Variants in TSPAN4 observed in about 807,000 individuals in gnomAD.
TSPAN4 encodes the protein tetraspanin-4.
TSPAN4 carries 38 observed loss-of-function variants against 31.5 expected under a neutral mutation model. That is an observed-to-expected ratio of 1.21 (90% CI 0.93 to 1.58). The LOEUF (loss-of-function observed/expected upper bound fraction) is 1.58, where lower values mean the gene tolerates loss of function less well. Ranked by LOEUF, TSPAN4 falls within the 40% of genes most tolerant of loss-of-function variation. The pLI is 0.00. For synonymous variants in TSPAN4, 186 were observed against 144.6 expected (o/e 1.29, Z -2.06); for missense variants, 330 against 317.3 (o/e 1.04, Z -0.30).
intron 5 of TSPAN4, 173 bp from the exon 6 acceptor site, chr11:865,340 A>T: frequency 3.3e-6 from 2 of 604,192 alleles, no homozygotes; most frequent in Non-Finnish European, 6.0e-6. Context: ...CCTGGGCCTC[A>T]GGGCTGCTGG....
intron 1 of TSPAN4, among the ~76,000 whole-genome samples, chr11:844,875 CCCATGATT>C (rs1847218723): frequency 6.6e-6 from 1 of 152,132 alleles, no homozygotes; most frequent in Non-Finnish European, 1.5e-5. Flanking sequence ...CCAGGGGAAA[CCCATGATT>C]GAAGTTTTAG....
In TSPAN4 at chr11:848,765, CCAACACCG is replaced by C; in HGVS notation, c.-18+1468_-18+1475del. 4 of 534,914 alleles carry C rather than the reference CCAACACCG, an allele frequency of 7.5e-6. No homozygotes were observed. In the South Asian group the frequency reaches 9.8e-5, roughly 13 times the overall value. The allele number at this position is 534,914 out of a possible 1,614,324, so 33.1% of individuals were successfully genotyped here. Reference sequence around the variant, plus strand: ...ATCTGGGCCACGTGCTGATATCTTCCCAACACCGCAGGGCCCTTGTGCCCTGTGGTGGG... The same window carrying C: ...ATCTGGGCCACGTGCTGATATCTTCCCAGGGCCCTTGTGCCCTGTGGTGGG... On this transcript the variant is annotated intron_variant, in intron 2 of 8. Coordinates refer to ENST00000397397, the MANE Select transcript of TSPAN4 (RefSeq NM_003271.5). The surrounding 1 kb of genome is among the most constrained non-coding windows in gnomAD (Gnocchi z 5.7).
At chr11:862,505 T>A (rs56005156) in intron 3 of TSPAN4, 45 bp from the exon 4 acceptor site, 2 of 1,526,908 alleles carry the variant, frequency 1.3e-6, no homozygotes, top group Non-Finnish European at 1.8e-6. Context: ...AGAGCTTGCA[T>A]TGGGGCCTCA....
At chr11:864,127 G>C in intron 4 of TSPAN4, 1 of 468,442 alleles carries the variant, frequency 2.1e-6, no homozygotes, top group Non-Finnish European at 3.9e-6. Flanking sequence ...GGGGCCTCAG[G>C]AACAGGGATT....
At chr11:859,991 C>T (rs1168272880) in intron 3 of TSPAN4, among the ~76,000 whole-genome samples, 2 of 152,230 alleles carry the variant, frequency 1.3e-5, no homozygotes, top group African/African-American at 4.8e-5. Flanking sequence ...CTCCCCTGTG[C>T]GCTGTGCCTG....
chr11:855,243 A>AG (rs1438336949), intron 3 of TSPAN4, among the ~76,000 whole-genome samples: 2 of 152,172 alleles, frequency 1.3e-5, no homozygotes, highest in Non-Finnish European at 2.9e-5. Flanking sequence ...TTGGCAGCCC[A>AG]GGGCTGCAGG....
chr11:850,340 C>G lies in TSPAN4; in HGVS notation c.36C>G (p.Leu12=), dbSNP rs752159258. ...ARACLQAVKY[L]MFAFNLLFWL... is the part of the protein sequence containing the mutation. ...CCTGCCTCCAGGCCGTCAAGTACCT[C>G]ATGTTCGCCTTCAACCTGCTCTTCT... Residue 12 remains leucine (L), a synonymous_variant, in exon 3 of 9, where the codon CTC becomes CTG. Coordinates refer to ENST00000397397, the MANE Select transcript of TSPAN4 (RefSeq NM_003271.5). 9 of 1,606,978 alleles carry G rather than the reference C, an allele frequency of 5.6e-6. No individual in the cohort carries two copies. Among genetic ancestry groups the G allele is most frequent in the Non-Finnish European group, 7.6e-6 (9 of 1,179,216 alleles).
chr11:848,589 C>G lies in TSPAN4; in HGVS notation c.-18+1289C>G, dbSNP rs1847447738. Among the ~76,000 whole-genome samples, 1 of 152,176 alleles carries G rather than the reference C, an allele frequency of 6.6e-6. No individual in the cohort carries two copies. Among genetic ancestry groups the G allele is most frequent in the Admixed American group, 6.5e-5 (1 of 15,292 alleles). ...GCAGCCCTCCCCAGACCTGCCACCT[C>G]CCACATCAGTCACTCCAGGAGGACC... On this transcript the variant is annotated intron_variant, in intron 2 of 8. Transcript: ENST00000397397. This position sits in a 1 kb window ranked among gnomAD's most constrained non-coding sequence, Gnocchi z 5.7.
intron 1 of TSPAN4, among the ~76,000 whole-genome samples, chr11:846,066 A>G (rs908192874): frequency 6.6e-6 from 1 of 151,968 alleles, no homozygotes; most frequent in African/African-American, 2.4e-5. Flanking sequence ...GGGCCTCCCT[A>G]CCTCCTCAAA....
intron 1 of TSPAN4, among the ~76,000 whole-genome samples, chr11:845,043 T>C (rs1590219303): frequency 2.0e-5 from 3 of 152,106 alleles, no homozygotes; most frequent in African/African-American, 7.2e-5. Context: ...TTTCCCTGTC[T>C]GTAAAGCTCA....
chr11:862,664 A>G lies in TSPAN4; in HGVS notation c.178A>G (p.Thr60Ala), dbSNP rs111252993. Residue 60 changes from threonine to alanine, a missense_variant, in exon 4 of 9, where the codon ACC becomes GCC. Coordinates refer to ENST00000397397, the MANE Select transcript of TSPAN4 (RefSeq NM_003271.5). The part of the protein sequence containing the change: ...SLSAANLLII[T>A]GAFVMAIGFV... ...GTCGGCTGCCAACTTGCTCATCATC[A>G]CCGGCGCCTTTGTCATGGCCATCGG... 6.2e-7 allele frequency: 1 copy of G among 1,613,208 alleles called. No individual in the cohort carries two copies.
intron 3 of TSPAN4, among the ~76,000 whole-genome samples, chr11:854,621 C>T (rs1847947227): frequency 6.6e-6 from 1 of 152,202 alleles, no homozygotes; most frequent in Non-Finnish European, 1.5e-5. Flanking sequence ...GCTGTCAACC[C>T]TGGAGGTGTG....
chr11:847,611 A>ACCCCCCCCCC (rs1171373234), intron 2 of TSPAN4, among the ~76,000 whole-genome samples: 1 of 76,550 alleles, frequency 1.3e-5, no homozygotes, highest in Admixed American at 1.2e-4. Context: ...CCCCGCCCCC[A>ACCCCCCCCCC]CCCCCCCCCA....
At position 862,823 on chromosome 11, in the gene TSPAN4, A is replaced by G. The variant is rs1277714925; in HGVS notation, c.255+82A>G. 2.1e-6 allele frequency: 3 copies of G among 1,406,676 alleles called. No homozygotes were observed. The Admixed American group carries it at 7.8e-5, about 37-fold the overall frequency. The allele number at this position is 1,406,676 out of a possible 1,614,324, so 87.1% of individuals were successfully genotyped here. A position where few individuals can be genotyped will look rare whatever the true frequency, so the allele number is the denominator to read the frequency against. The stretch of plus-strand genomic sequence containing the variant: ...GTGGCCCCCAGGCCTTGGCTGCCGC[A>G]GTGACCCCCCAGACGTGGGCACCAC... On this transcript the variant is annotated intron_variant, in intron 4 of 8. Transcript: ENST00000397397.
intron 3 of TSPAN4, among the ~76,000 whole-genome samples, chr11:861,045 G>A (rs1035687072): frequency 1.3e-5 from 2 of 152,198 alleles, no homozygotes; most frequent in African/African-American, 4.8e-5. Flanking sequence ...AACGGCCCAA[G>A]CCCGAGGCCT....
In TSPAN4 at chr11:865,821, A is replaced by G. The variant is rs1349583462; in HGVS notation, c.560A>G (p.Lys187Arg). ...CTGCACGCCCCCGGCACCTGGTGGA[A>G]GGCGGTGAGTGAGACCCCCACCCTG... ...CGLHAPGTWW[K>R]APCYETVKVW... Residue 187 changes from lysine (K) to arginine (R), a missense_variant, in exon 7 of 9, where the codon AAG (lysine) becomes AGG (arginine). Physicochemically the swap from Lys to Arg is conservative, Grantham distance 26. Coordinates refer to ENST00000397397, the MANE Select transcript of TSPAN4 (RefSeq NM_003271.5). 1.2e-6 allele frequency: 2 copies of G among 1,612,332 alleles called. No individual in the cohort carries two copies. Among genetic ancestry groups the G allele is most frequent in the Admixed American group, 1.7e-5 (1 of 59,920 alleles).
chr11:854,441 C>T (rs370627976), intron 3 of TSPAN4, among the ~76,000 whole-genome samples: 2 of 152,324 alleles, frequency 1.3e-5, no homozygotes, highest in East Asian at 3.9e-4. Context: ...TCCCCATATA[C>T]TGGCCTGGCT....
chr11:863,120 G>A (rs1430171333), intron 4 of TSPAN4: 4 of 172,738 alleles, frequency 2.3e-5, no homozygotes, highest in Admixed American at 6.3e-5. Flanking sequence ...CCCCACTGTG[G>A]CCCCTTCCCC....
rs114421073 is a variant in TSPAN4, at chr11:859,179, C to T, written c.64-3371C>T. Among the ~76,000 whole-genome samples the T allele has an allele frequency of 1.5e-3, 191 of 125,884 alleles. 1 individual carries two copies. Among genetic ancestry groups the T allele is most frequent in the African/African-American group, 5.6e-3 (181 of 32,330 alleles). 82.6% of individuals were successfully genotyped at this position (125,884 alleles called of 152,430 possible). A position where few individuals can be genotyped will look rare whatever the true frequency, so the allele number is the denominator to read the frequency against. On this transcript the variant is annotated intron_variant, in intron 3 of 8. Transcript: ENST00000397397. ...CGGCTCACACGCACCCCAGGTCACA[C>T]GCATCCCCTCACATGCACCCAGGCT...
Sources: gnomAD v4.1 joint callset for allele counts (sites outside exome capture counted in the v4.1 genomes callset) on GRCh38, gnomAD v4.1.1 for gene constraint, Gnocchi (gnomAD v3.1) non-coding constraint, MANE v1.5 for transcripts, NCBI Gene and HGNC (gene_info 2026-07-23, HGNC 2026-07-21) for gene names.